Variants in BNIP5 observed in about 807,000 individuals in gnomAD.
BNIP5 encodes BCL2 interacting protein 5.
A neutral mutation model predicts 67.3 loss-of-function variants in BNIP5; 61 were observed. The observed-to-expected ratio is 0.91, with a 90% CI of 0.74 to 1.12. The LOEUF (loss-of-function observed/expected upper bound fraction) is 1.12. BNIP5 is among the 50% of genes most tolerant of loss of function. The pLI is 0.00. For missense variants in BNIP5, 826 were observed against 816.3 expected, an observed-to-expected ratio of 1.01 and a Z score of -0.14; for synonymous variants, 317 against 319.0, an observed-to-expected ratio of 0.99 and a Z score of 0.07.
chr6:36,323,259 C>T, intron 8 of BNIP5, 34 bp downstream of exon 8: 1 of 1,612,684 alleles, frequency 6.2e-7, no homozygotes. Context: ...CAAGAGGAAG[C>T]CTCTGTTACC....
intron 6 of BNIP5, 152 bp from the exon 7 acceptor site, chr6:36,324,342 A>G (rs1771706848): frequency 1.5e-6 from 1 of 689,618 alleles, no homozygotes; most frequent in Non-Finnish European, 2.6e-6. Context: ...AGCTGGTTTC[A>G]TGGGATACAT....
At chr6:36,326,794 T>C (rs759428459) in intron 4 of BNIP5, 41 bp from the exon 5 acceptor site, 2 of 1,610,560 alleles carry the variant, frequency 1.2e-6, no homozygotes, top group African/African-American at 1.3e-5. Flanking sequence ...TTCATGACAC[T>C]GAGAGGGGGA....
At position 36,326,738 on chromosome 6, in the gene BNIP5, G is replaced by A. The variant is rs1446141325; in HGVS notation, c.808C>T (p.Gln270Ter). 1 of 1,614,180 alleles carries A rather than the reference G, an allele frequency of 6.2e-7. No homozygotes were observed. Among genetic ancestry groups the A allele is most frequent in the Non-Finnish European group, 8.5e-7 (1 of 1,180,040 alleles). The change falls in exon 5 of 12, where the codon CAG becomes TAG. Residue 270 changes from glutamine (Q) to a stop codon, truncating the protein, a stop_gained. Transcript: ENST00000437635. LOFTEE classifies it high-confidence loss of function. ...QWEEEQSLAS[Q>*]LGVALPNPAP... Reference sequence around the variant, plus strand: ...GGGTTTGGCAGGGCCACCCCCAGCTGTGAGGCCAGAGATTGCTGTTGGGGA... The same window carrying A: ...GGGTTTGGCAGGGCCACCCCCAGCTATGAGGCCAGAGATTGCTGTTGGGGA...
chr6:36,325,242 G>C (rs1055356593), intron 6 of BNIP5, 41 bp downstream of exon 6: 22 of 1,609,512 alleles, frequency 1.4e-5, no homozygotes, highest in Non-Finnish European at 1.7e-5. Context: ...CAGAACAGAA[G>C]TTTTGCAAGG....
intron 5 of BNIP5, among the ~76,000 whole-genome samples, chr6:36,325,917 A>G (rs1254754371): frequency 1.3e-5 from 2 of 152,184 alleles, no homozygotes; most frequent in African/African-American, 2.4e-5. Flanking sequence ...TGGCCCCATC[A>G]TCCATGGGCC....
In BNIP5 at chr6:36,330,416, G is replaced by T; in HGVS notation, c.275C>A (p.Ser92Ter). 1 of 1,614,156 alleles carries T rather than the reference G, an allele frequency of 6.2e-7. No individual in the cohort carries two copies. The highest frequency in any genetic ancestry group is 8.5e-7 in the Non-Finnish European group (1 of 1,180,030). The change falls in exon 2 of 12, where the codon TCG (serine) becomes TAG (stop). Residue 92 changes from serine to a stop codon, truncating the protein, a stop_gained. Transcript: ENST00000437635. LOFTEE classifies it high-confidence loss of function. ...CAGCCACCCCTTCTTGGTGTCTTGCGAAGGCCTCTGCTCGCTGGGGAGAAA... is the reference window on the plus strand; with the variant it reads ...CAGCCACCCCTTCTTGGTGTCTTGCTAAGGCCTCTGCTCGCTGGGGAGAAA... ...GDFLPSEQRPSQDTKKGWLKT... is the reference protein window; with the variant it reads ...GDFLPSEQRP
Position 36,323,298 on chromosome 6 carries a change from C to T in BNIP5, c.1466G>A (p.Ser489Asn), listed in dbSNP as rs1164246612. 19 of 1,614,070 alleles carry T rather than the reference C, an allele frequency of 1.2e-5. No individual in the cohort carries two copies. The highest frequency in any genetic ancestry group is 1.6e-5 in the Non-Finnish European group (19 of 1,180,044). The change falls in exon 8 of 12, where the codon AGC becomes AAC. Residue 489 changes from serine to asparagine, a missense_variant. By Grantham distance (46) the Ser-to-Asn change is conservative. Coordinates refer to ENST00000437635, the MANE Select transcript of BNIP5 (RefSeq NM_001010903.5). ...VGGHRPSTSSSLDPEDLECRE... is the reference protein window; with the variant it reads ...VGGHRPSTSSNLDPEDLECRE... The stretch of plus-strand genomic sequence containing the variant: ...GCAACACCAGGCCTGCTCACCAAGG[C>T]TGCTGGAGGTGGAGGGCCGATGGCC...
At chr6:36,322,474 G>A in intron 8 of BNIP5, 32 bp from the exon 9 acceptor site, 1 of 1,599,554 alleles carries the variant, frequency 6.3e-7, no homozygotes, top group Non-Finnish European at 8.5e-7. Context: ...TGAGTGTTTT[G>A]CAGAGAGCTG....
At chr6:36,320,732 T>C (rs1771615114) in intron 10 of BNIP5, among the ~76,000 whole-genome samples, 1 of 152,162 alleles carries the variant, frequency 6.6e-6, no homozygotes, top group African/African-American at 2.4e-5. Flanking sequence ...AGAGACCACA[T>C]AAATGCTGAA....
intron 7 of BNIP5, 150 bp downstream of exon 7, chr6:36,323,979 G>A (rs901521833): frequency 4.1e-5 from 27 of 653,062 alleles, no homozygotes; most frequent in Middle Eastern, 4.2e-4. Flanking sequence ...TAGCCTGGGC[G>A]ACAGAGCAAG....
intron 3 of BNIP5, 126 bp from the exon 4 acceptor site, chr6:36,327,220 C>T: frequency 1.2e-6 from 1 of 822,028 alleles, no homozygotes; most frequent in South Asian, 1.7e-5. Flanking sequence ...AGCACCACAT[C>T]CCAGGGGCAG....
chr6:36,318,210 A>T (rs1211011308), intron 11 of BNIP5, among the ~76,000 whole-genome samples: 1 of 152,218 alleles, frequency 6.6e-6, no homozygotes, highest in East Asian at 1.9e-4. Context: ...TTCCCAGGGG[A>T]CCACTTGGAT....
At chr6:36,334,297 G>A (rs1451089714) in intron 1 of BNIP5, among the ~76,000 whole-genome samples, 1 of 152,352 alleles carries the variant, frequency 6.6e-6, no homozygotes, top group Non-Finnish European at 1.5e-5. Context: ...CTGCTGCTGA[G>A]CCCAGAGGCA....
At chr6:36,328,820 C>T (rs1771821250) in intron 2 of BNIP5, 106 bp from the exon 3 acceptor site, 8 of 773,610 alleles carry the variant, frequency 1.0e-5, no homozygotes, top group African/African-American at 1.7e-5. Context: ...ACAGAATTCA[C>T]AGTGCAACAG....
chr6:36,322,264 A>G, intron 9 of BNIP5, 47 bp downstream of exon 9: 1 of 1,611,622 alleles, frequency 6.2e-7, no homozygotes, highest in South Asian at 1.1e-5. Context: ...CATGTGGAAG[A>G]GAAGCACCCG....
In BNIP5 at chr6:36,330,613, C is replaced by T; in HGVS notation, c.78G>A (p.Gly26=). 6.2e-7 allele frequency: 1 copy of T among 1,610,708 alleles called. No homozygotes were observed. Among genetic ancestry groups the T allele is most frequent in the Non-Finnish European group, 8.5e-7 (1 of 1,180,006 alleles). The change falls in exon 2 of 12, where the codon GGG becomes GGA. Residue 26 remains glycine (G), a synonymous_variant. Transcript: ENST00000437635. ...GGCAGTCCCACGACTCCGAGCCTTT[C>T]CCGGGGGCCTGCGGCCTGTCCAGAG... ...ARSLDRPQAP[G]KGSESWDCHW... is the part of the protein sequence containing the mutation.
intron 11 of BNIP5, 40 bp from the exon 12 acceptor site, chr6:36,317,431 A>G: frequency 6.4e-7 from 1 of 1,570,642 alleles, no homozygotes; most frequent in African/African-American, 1.3e-5. Flanking sequence ...GCCACAGCTC[A>G]ATTATTTATG....
chr6:36,322,694 G>C (rs1425827727), intron 8 of BNIP5, among the ~76,000 whole-genome samples: 19 of 152,150 alleles, frequency 1.2e-4, no homozygotes, highest in Non-Finnish European at 1.5e-5. Context: ...GTGCCAGCAG[G>C]GCCCACCAAA....
intron 1 of BNIP5, among the ~76,000 whole-genome samples, chr6:36,334,281 C>A (rs557052111): frequency 6.6e-6 from 1 of 152,346 alleles, no homozygotes; most frequent in Non-Finnish European, 1.5e-5. Context: ...GGAGCCCCCG[C>A]AGCTGCTGCT....
Sources: allele counts gnomAD v4.1 joint callset (sites outside exome capture counted in the v4.1 genomes callset), GRCh38; gene constraint gnomAD v4.1.1; transcripts MANE v1.5; gene names NCBI Gene and HGNC (gene_info 2026-07-23, HGNC 2026-07-21).